The following PCDHGA11 variants were observed in gnomAD, a reference collection of about 807,000 sequenced individuals.
The protein encoded by PCDHGA11 is protocadherin gamma-A11.
A neutral mutation model predicts 60.4 loss-of-function variants in PCDHGA11; 39 were observed. The ratio of observed to expected loss-of-function variants is 0.65; its 90% confidence interval spans 0.50 to 0.84. The LOEUF (loss-of-function observed/expected upper bound fraction) is 0.84. PCDHGA11 is among the 40% of genes least tolerant of loss of function. PCDHGA11 has a pLI of 0.00. For synonymous variants in PCDHGA11, 533 were observed against 510.3 expected (o/e 1.04, Z -0.60); for missense variants, 1,165 against 1,197.7 (o/e 0.97, Z 0.40).
Position 141,423,174 on chromosome 5 carries a change from C to T in PCDHGA11, c.1947C>T (p.Asp649=), listed in dbSNP as rs1203454000. 6.2e-7 allele frequency: 1 copy of T among 1,613,484 alleles called. No homozygotes were observed. Among genetic ancestry groups the T allele is most frequent in the South Asian group, 1.1e-5 (1 of 91,050 alleles). The change falls in exon 1 of 4, where the codon GAC becomes GAT. Residue 649 remains aspartate, a synonymous_variant. Coordinates refer to ENST00000398587, the MANE Select transcript of PCDHGA11 (RefSeq NM_018914.3). ...AGAGCCTCGTGGTGGCCGTCCAGGA[C>T]CACGGCCAGCCCCCTCTCTCGGCCA... ...LKQSLVVAVQ[D]HGQPPLSATV...
At chr5:141,460,961 A>ATG (rs35821115) in intron 1 of PCDHGA11, among the ~76,000 whole-genome samples, 128 of 144,610 alleles carry the variant, frequency 8.9e-4, no homozygotes, top group Middle Eastern at 7.1e-3. Context: ...GTATATATAT[A>ATG]TGTGTGTGTG....
intron 1 of PCDHGA11, among the ~76,000 whole-genome samples, chr5:141,436,199 A>G (rs576607542): frequency 7.2e-5 from 11 of 152,282 alleles, no homozygotes; most frequent in East Asian, 5.8e-4. Context: ...AAAGAAAGAC[A>G]TAATAGGAAA....
At chr5:141,503,607 A>G (rs141670522) in intron 2 of PCDHGA11, among the ~76,000 whole-genome samples, 63 of 151,996 alleles carry the variant, frequency 4.1e-4, no homozygotes, top group African/African-American at 1.4e-3. Flanking sequence ...TCAAAAAAAA[A>G]AAAAAAAGAA....
At chr5:141,436,347 CT>C (rs1402378657) in intron 1 of PCDHGA11, among the ~76,000 whole-genome samples, 1 of 152,118 alleles carries the variant, frequency 6.6e-6, no homozygotes, top group African/African-American at 2.4e-5. Context: ...ATATCAGTGA[CT>C]TCAATCAACT....
intron 1 of PCDHGA11, chr5:141,428,158 G>C (rs776350833): frequency 3.8e-6 from 6 of 1,577,610 alleles, no homozygotes; most frequent in Non-Finnish European, 5.2e-6. Context: ...GGAACCTGCT[G>C]GTTGCTGTGC....
Position 141,422,160 on chromosome 5 carries a change from A to C in PCDHGA11, c.933A>C (p.Glu311Asp). ...EVQVRGSLDF[E>D]KYRFYEMEIQ... ...AAGTACGGGGGTCTCTGGATTTTGAAAAATATAGATTCTATGAGATGGAAA... is the reference window on the plus strand; with the variant it reads ...AAGTACGGGGGTCTCTGGATTTTGACAAATATAGATTCTATGAGATGGAAA... The change falls in exon 1 of 4, where the codon GAA becomes GAC. Residue 311 changes from glutamate to aspartate, a missense_variant. Transcript: ENST00000398587. 1 of 1,573,304 alleles carries C rather than the reference A, an allele frequency of 6.4e-7. No homozygotes were observed. Among genetic ancestry groups the C allele is most frequent in the South Asian group, 1.2e-5 (1 of 83,180 alleles).
At chr5:141,427,082 C>T (rs1335319344) in intron 1 of PCDHGA11, 1 of 458,118 alleles carries the variant, frequency 2.2e-6, no homozygotes, top group Admixed American at 2.3e-5. Flanking sequence ...CAGCCACTGA[C>T]CAGGATGAGG....
rs17097211 is a variant in PCDHGA11 at position 141,423,498 on chromosome 5, G to A, written c.2271G>A (p.Glu757=). 9.4e-4 allele frequency: 1,510 copies of A among 1,613,948 alleles called. 9 individuals are homozygous for A. In the African/African-American group the frequency reaches 0.016, roughly 17 times the overall value. ...CTTTCCTGCAAACCTATTCCCACGA[G>A]GTCTCTCTCATTGCGGACTCGCAGA... ...VQAFLQTYSH[E]VSLIADSQKS... is the part of the protein sequence containing the mutation. The change falls in exon 1 of 4, where the codon GAG becomes GAA. Residue 757 remains glutamate, a synonymous_variant. Transcript: ENST00000398587.
intron 1 of PCDHGA11, among the ~76,000 whole-genome samples, chr5:141,488,117 G>A (rs1231303931): frequency 6.6e-6 from 1 of 152,190 alleles, no homozygotes; most frequent in African/African-American, 2.4e-5. Flanking sequence ...GAAACATAGA[G>A]ACAGCAGAAA....
At chr5:141,451,224 C>G (rs2098710956) in intron 1 of PCDHGA11, among the ~76,000 whole-genome samples, 1 of 152,170 alleles carries the variant, frequency 6.6e-6, no homozygotes, top group South Asian at 2.1e-4. Flanking sequence ...TTAAAAGAAG[C>G]ATTTATTATC....
chr5:141,421,184 C>G lies in PCDHGA11; in HGVS notation c.-44C>G, dbSNP rs2096551183. 1 of 1,457,940 alleles carries G rather than the reference C, an allele frequency of 6.9e-7. No individual in the cohort carries two copies. The highest frequency in any genetic ancestry group is 1.4e-5 in the African/African-American group (1 of 70,730). 90.3% of individuals were successfully genotyped at this position (1,457,940 alleles called of 1,614,324 possible). A position where few individuals can be genotyped will look rare whatever the true frequency, so the allele number is the denominator to read the frequency against. ...CATAGATACATAAGCCGATTCACAACCAACCAGCTCGAGAAACCGCGGAAT... is the reference window on the plus strand; with the variant it reads ...CATAGATACATAAGCCGATTCACAAGCAACCAGCTCGAGAAACCGCGGAAT... On this transcript the variant is annotated 5_prime_UTR_variant, in exon 1 of 4. Coordinates refer to ENST00000398587, the MANE Select transcript of PCDHGA11 (RefSeq NM_018914.3).
Position 141,421,444 on chromosome 5 carries a change from A to T in PCDHGA11, c.217A>T (p.Thr73Ser). Reference sequence around the variant, plus strand: ...AGTCCGCATCGTCTCCAGAGGGAAGACACAGCTTTTCGCTGTGAATCCGCG... The same window carrying T: ...AGTCCGCATCGTCTCCAGAGGGAAGTCACAGCTTTTCGCTGTGAATCCGCG... ...RGVRIVSRGK[T>S]QLFAVNPRSG... The change falls in exon 1 of 4, where the codon ACA (threonine) becomes TCA (serine). Residue 73 changes from threonine (T) to serine (S), a missense_variant. Thr to Ser is a moderately conservative substitution (Grantham distance 58). Coordinates refer to ENST00000398587, the MANE Select transcript of PCDHGA11 (RefSeq NM_018914.3). The T allele has an allele frequency of 6.2e-7, 1 of 1,614,020 alleles. No individual in the cohort carries two copies. Among genetic ancestry groups the T allele is most frequent in the Non-Finnish European group, 8.5e-7 (1 of 1,179,838 alleles).
At chr5:141,494,680 C>A in intron 1 of PCDHGA11, 127 bp from the exon 2 acceptor site, 1 of 1,560,094 alleles carries the variant, frequency 6.4e-7, no homozygotes, top group Non-Finnish European at 8.7e-7. Flanking sequence ...CCACCCCTGC[C>A]CCCTCTTAGT....
Position 141,491,963 on chromosome 5 carries a change from C to A in PCDHGA11, c.2434-2844C>A. ...CCCCCACCCCTACACTCAAAAAAGG[C>A]CGGGGCCTCCTTCGAGCTTCCGGTG... On this transcript the variant is annotated intron_variant, in intron 1 of 3. Coordinates refer to ENST00000398587, the MANE Select transcript of PCDHGA11 (RefSeq NM_018914.3). This position sits in a 1 kb window ranked among gnomAD's most constrained non-coding sequence, Gnocchi z 6.9. 2 of 944,828 alleles carry A rather than the reference C, an allele frequency of 2.1e-6. No homozygotes were observed. Among genetic ancestry groups the A allele is most frequent in the Non-Finnish European group, 3.0e-6 (2 of 670,874 alleles). 58.5% of individuals were successfully genotyped at this position (944,828 alleles called of 1,614,324 possible).
At chr5:141,425,695 T>G (rs1329762653) in intron 1 of PCDHGA11, among the ~76,000 whole-genome samples, 1 of 152,232 alleles carries the variant, frequency 6.6e-6, no homozygotes, top group African/African-American at 2.4e-5. Context: ...TATCATTTCA[T>G]AGTGGTCAAA....
At position 141,491,823 on chromosome 5, in the gene PCDHGA11, C is replaced by G; in HGVS notation, c.2434-2984C>G. Reference sequence around the variant, plus strand: ...GCCGGCTTGGTCGCTGGCTGCGCTCCACCCGATTCTCGGGATCATTGGACC... The same window carrying G: ...GCCGGCTTGGTCGCTGGCTGCGCTCGACCCGATTCTCGGGATCATTGGACC... On this transcript the variant is annotated intron_variant, in intron 1 of 3. Transcript: ENST00000398587. The surrounding 1 kb of genome is among the most constrained non-coding windows in gnomAD (Gnocchi z 6.9). The G allele has an allele frequency of 6.8e-7, 1 of 1,479,156 alleles. No individual in the cohort carries two copies. Among genetic ancestry groups the G allele is most frequent in the Non-Finnish European group, 9.0e-7 (1 of 1,115,292 alleles). 91.6% of individuals were successfully genotyped at this position (1,479,156 alleles called of 1,614,324 possible). A position where few individuals can be genotyped will look rare whatever the true frequency, so the allele number is the denominator to read the frequency against.
intron 1 of PCDHGA11, among the ~76,000 whole-genome samples, chr5:141,475,237 G>C (rs2099360785): frequency 6.6e-6 from 1 of 152,234 alleles, no homozygotes. Flanking sequence ...AAACGATAGA[G>C]AGAGTGTGCT....
intron 1 of PCDHGA11, 191 bp downstream of exon 1, chr5:141,423,851 C>A (rs1311833319): frequency 2.4e-6 from 3 of 1,275,940 alleles, no homozygotes; most frequent in East Asian, 3.1e-5. Context: ...TCTTTCAGAA[C>A]GTTTTTGTGA....
intron 3 of PCDHGA11, 149 bp downstream of exon 3, chr5:141,505,630 A>T: frequency 6.8e-7 from 1 of 1,480,262 alleles, no homozygotes; most frequent in East Asian, 2.4e-5. Flanking sequence ...AATTCCAAAC[A>T]TAAAGCCTGG....
Sources: gnomAD v4.1 joint callset for allele counts (sites outside exome capture counted in the v4.1 genomes callset) on GRCh38, gnomAD v4.1.1 for gene constraint, Gnocchi (gnomAD v3.1) non-coding constraint, MANE v1.5 for transcripts, NCBI Gene and HGNC (gene_info 2026-07-23, HGNC 2026-07-21) for gene names.